SERGEF: variants seen among roughly 807,000 people sequenced by gnomAD.
SERGEF encodes secretion regulating guanine nucleotide exchange factor, also known as secretion-regulating guanine nucleotide exchange factor.
SERGEF carries 51 observed loss-of-function variants against 50.0 expected under a neutral mutation model. The observed-to-expected ratio is 1.02, with a 90% CI of 0.81 to 1.29. The LOEUF (loss-of-function observed/expected upper bound fraction) is 1.29. Among genes scored for constraint, SERGEF ranks in the 50% most tolerant of loss-of-function variants. SERGEF has a pLI of 0.00. For missense variants in SERGEF, 521 were observed against 557.0 expected (o/e 0.94, Z 0.65); for synonymous variants, 205 against 212.4 (o/e 0.97, Z 0.30).
At chr11:17,914,947 G>A (rs915377650) in intron 9 of SERGEF, among the ~76,000 whole-genome samples, 1 of 152,184 alleles carries the variant, frequency 6.6e-6, no homozygotes, top group Non-Finnish European at 1.5e-5. Flanking sequence ...GTAAAAGCAG[G>A]AAAGGAATGG....
At chr11:18,000,451 A>C in intron 5 of SERGEF, 46 bp downstream of exon 5, 1 of 1,323,418 alleles carries the variant, frequency 7.6e-7, no homozygotes, top group Non-Finnish European at 1.0e-6. Flanking sequence ...CCCATCTCTA[A>C]AAAGTATTAA....
chr11:17,995,109 A>G (rs992107833), intron 6 of SERGEF, among the ~76,000 whole-genome samples: 17 of 152,180 alleles, frequency 1.1e-4, no homozygotes, highest in African/African-American at 4.1e-4. Flanking sequence ...AAAGAAAGAG[A>G]GAGAGAGACA....
At chr11:17,937,007 G>A (rs1021357096) in intron 9 of SERGEF, among the ~76,000 whole-genome samples, 3 of 151,666 alleles carry the variant, frequency 2.0e-5, no homozygotes, top group Non-Finnish European at 1.5e-5. Context: ...CATAATTTTT[G>A]GTAGCAAAAA....
chr11:17,868,552 G>A (rs566209872), intron 10 of SERGEF, among the ~76,000 whole-genome samples: 10 of 152,238 alleles, frequency 6.6e-5, no homozygotes, highest in African/African-American at 2.4e-4. Flanking sequence ...TCCAACCTCT[G>A]TCTGTTACCC....
Position 17,893,963 on chromosome 11 carries a change from G to A in SERGEF, c.1012-15719C>T, listed in dbSNP as rs868248164. On this transcript the variant is annotated intron_variant, in intron 9 of 10. Transcript: ENST00000265965. ...GGCCTTAGCTCTTGCCTGGGATTGT[G>A]CAGCAGCTTCCTTGTGCTCCTCTCC... 2.4e-4 allele frequency among the ~76,000 whole-genome samples: 36 copies of A among 152,296 alleles called. No homozygotes were observed. The Middle Eastern group carries it at 0.01, about 43-fold the overall frequency.
chr11:17,831,880 T>A (rs1850314528), intron 10 of SERGEF, among the ~76,000 whole-genome samples: 1 of 152,178 alleles, frequency 6.6e-6, no homozygotes, highest in South Asian at 2.1e-4. Context: ...ACCTTGTGCA[T>A]TACCTTTCAT....
Position 17,878,217 on chromosome 11 carries a change from C to T in SERGEF, c.1039G>A (p.Ala347Thr). 1 of 1,581,466 alleles carries T rather than the reference C, an allele frequency of 6.3e-7. No homozygotes were observed. Among genetic ancestry groups the T allele is most frequent in the Non-Finnish European group, 8.6e-7 (1 of 1,156,862 alleles). ...EVSCGSEHNLAIIGGVCYSWG... is the reference protein window; with the variant it reads ...EVSCGSEHNLTIIGGVCYSWG... Reference sequence around the variant, plus strand: ...TATAAAAATTACTTACCAATTATTGCCAAATTATGCTCTGAGCCACAAGAG... The same window carrying T: ...TATAAAAATTACTTACCAATTATTGTCAAATTATGCTCTGAGCCACAAGAG... Residue 347 changes from alanine to threonine, a missense_variant, in exon 10 of 11, where the codon GCA becomes ACA. By Grantham distance (58) the Ala-to-Thr change is moderately conservative. Coordinates refer to ENST00000265965, the MANE Select transcript of SERGEF (RefSeq NM_012139.4).
intron 9 of SERGEF, among the ~76,000 whole-genome samples, chr11:17,957,998 T>G (rs772950739): frequency 6.6e-6 from 1 of 152,234 alleles, no homozygotes; most frequent in Non-Finnish European, 1.5e-5. Context: ...GTGGCAAGAT[T>G]ATGGAAATCT....
chr11:17,980,091 G>T (rs1167776399), intron 8 of SERGEF, among the ~76,000 whole-genome samples: 1 of 152,196 alleles, frequency 6.6e-6, no homozygotes, highest in Non-Finnish European at 1.5e-5. Context: ...GGAGAGAAAA[G>T]AAAGAGGCCA....
intron 10 of SERGEF, chr11:17,846,847 A>G (rs1850622563): frequency 4.6e-6 from 2 of 438,174 alleles, no homozygotes; most frequent in Non-Finnish European, 9.3e-6. Context: ...GCCTCCTAGT[A>G]TGTTAGAGGT....
intron 6 of SERGEF, among the ~76,000 whole-genome samples, chr11:17,994,594 A>G (rs1853796259): frequency 6.6e-6 from 1 of 152,038 alleles, no homozygotes; most frequent in African/African-American, 2.4e-5. Context: ...AGAAGGCAGG[A>G]TATGCCTGGG....
chr11:17,873,323 A>G (rs557121953), intron 10 of SERGEF, among the ~76,000 whole-genome samples: 1 of 152,246 alleles, frequency 6.6e-6, no homozygotes, highest in South Asian at 2.1e-4. Flanking sequence ...TGCTGTGAGG[A>G]TTAAATGGGA....
rs369372033 is a variant in SERGEF at position 17,995,858 on chromosome 11, C to T, written c.560G>A (p.Arg187Gln). The T allele has an allele frequency of 8.6e-5, 139 of 1,613,932 alleles. No individual in the cohort carries two copies. The highest frequency in any genetic ancestry group is 6.3e-4 in the Admixed American group (38 of 59,994). Residue 187 changes from arginine (R) to glutamine (Q), a missense_variant, in exon 6 of 11, where the codon CGG becomes CAG. Coordinates refer to ENST00000265965, the MANE Select transcript of SERGEF (RefSeq NM_012139.4). ...TGGAAGAGTCTGCCCAGGGCACAAC[C>T]GTCGTCCACATGATGCCAAACCAGT... ...WGTGLASCGR[R>Q]LCPGQTLPLF...
At chr11:17,987,972 G>A (rs1160534938) in intron 8 of SERGEF, among the ~76,000 whole-genome samples, 4 of 152,188 alleles carry the variant, frequency 2.6e-5, no homozygotes, top group African/African-American at 4.8e-5. Context: ...AACAAAATCT[G>A]AGGACAAAGT....
At chr11:17,872,280 GCTCTGGATGGTGTTTTCTTTTCTATA>G (rs1565191269) in intron 10 of SERGEF, among the ~76,000 whole-genome samples, 2 of 910 alleles carry the variant, frequency 2.2e-3, no homozygotes, top group Non-Finnish European at 4.3e-3. Context: ...TCTATATCTT[GCTCTGGATGGTGTTTTCTTTTCTATA>G]TCTTGCTCTG....
intron 10 of SERGEF, among the ~76,000 whole-genome samples, chr11:17,846,080 T>C (rs1386315654): frequency 6.6e-6 from 1 of 152,220 alleles, no homozygotes; most frequent in African/African-American, 2.4e-5. Context: ...AGACTGCTTC[T>C]GGCCCCTAAA....
At chr11:17,881,707 G>T (rs1358514378) in intron 9 of SERGEF, among the ~76,000 whole-genome samples, 1 of 152,142 alleles carries the variant, frequency 6.6e-6, no homozygotes, top group Non-Finnish European at 1.5e-5. Context: ...GACCTCTTGG[G>T]CCTCAGTGTT....
intron 9 of SERGEF, among the ~76,000 whole-genome samples, chr11:17,924,238 G>T (rs56049796): frequency 0.017 from 2,600 of 152,280 alleles, 77 homozygotes; most frequent in African/African-American, 0.059. Context: ...GAATACATTT[G>T]AATTACTCTG....
chr11:17,954,185 G>A lies in SERGEF; in HGVS notation c.1011+5285C>T, dbSNP rs553810598. On this transcript the variant is annotated intron_variant, in intron 9 of 10. Coordinates refer to ENST00000265965, the MANE Select transcript of SERGEF (RefSeq NM_012139.4). ...CCACTTGGGAATGCTTTTTCAGGTT[G>A]TGTTCAATTCTGTCAGAGCCCTCCG... 3.4e-3 allele frequency among the ~76,000 whole-genome samples: 524 copies of A among 152,280 alleles called. 1 individual carries two copies. Among genetic ancestry groups the A allele is most frequent in the Non-Finnish European group, 5.2e-3 (352 of 68,020 alleles).
Sources: gnomAD v4.1 joint callset for allele counts (sites outside exome capture counted in the v4.1 genomes callset) on GRCh38, gnomAD v4.1.1 for gene constraint, MANE v1.5 for transcripts, NCBI Gene and HGNC (gene_info 2026-07-23, HGNC 2026-07-21) for gene names.